The following DNAH17 variants were observed in gnomAD, a reference collection of about 807,000 sequenced individuals.
The protein encoded by DNAH17 is dynein axonemal heavy chain 17.
In DNAH17, 376 loss-of-function variants were observed where a neutral mutation model predicts 485.6. The ratio of observed to expected loss-of-function variants is 0.77; its 90% confidence interval spans 0.71 to 0.84. DNAH17 has a LOEUF of 0.84. Ranked by LOEUF, DNAH17 falls within the 40% of genes least tolerant of loss-of-function variation. DNAH17 has a pLI of 0.00. For synonymous variants in DNAH17, 3,031 were observed against 2,405.9 expected (o/e 1.26, Z -7.60); for missense variants, 6,370 against 5,839.3 (o/e 1.09, Z -2.96).
chr17:78,487,483 C>A (rs2089662922), intron 44 of DNAH17, among the ~76,000 whole-genome samples: 1 of 152,224 alleles, frequency 6.6e-6, no homozygotes, highest in Admixed American at 6.5e-5. Context: ...TGTTAACACA[C>A]ACAGCCAGCC....
At chr17:78,479,389 A>G (rs2089248818) in intron 50 of DNAH17, 96 bp downstream of exon 50, 3 of 1,368,024 alleles carry the variant, frequency 2.2e-6, no homozygotes, top group African/African-American at 1.5e-5. Context: ...TTAGAATTAT[A>G]AATAAAATAT....
chr17:78,505,228 G>A (rs1046717681), intron 31 of DNAH17, 65 bp downstream of exon 31: 41 of 1,592,662 alleles, frequency 2.6e-5, no homozygotes, highest in African/African-American at 5.4e-5. Flanking sequence ...ATCTGAGGGC[G>A]TGTGGCCCAC....
chr17:78,527,557 T>C (rs895458506), intron 22 of DNAH17, among the ~76,000 whole-genome samples: 2 of 152,154 alleles, frequency 1.3e-5, no homozygotes, highest in African/African-American at 2.4e-5. Flanking sequence ...ATCCCACGTA[T>C]GGATTTGTGC....
chr17:78,500,405 CCGGCAGGGG>C lies in DNAH17; in HGVS notation c.5531_5539del (p.Ala1844_Ala1846del). Reference sequence around the variant, plus strand: ...CTCAGTCTTGCCGGTCCCAGCGGGGCCGGCAGGGGCTCCACCCATGATGAGATGGAGGGA... The same window carrying C: ...CTCAGTCTTGCCGGTCCCAGCGGGGCCTCCACCCATGATGAGATGGAGGGA... On this transcript the variant is annotated inframe_deletion, in exon 36 of 81. Coordinates refer to ENST00000389840, the MANE Select transcript of DNAH17 (RefSeq NM_173628.4). 6.2e-7 allele frequency: 1 copy of C among 1,611,056 alleles called. No homozygotes were observed. Among genetic ancestry groups the C allele is most frequent in the Non-Finnish European group, 8.5e-7 (1 of 1,179,106 alleles).
intron 42 of DNAH17, among the ~76,000 whole-genome samples, chr17:78,491,985 TAC>T (rs1396784763): frequency 2.6e-5 from 4 of 151,938 alleles, no homozygotes; most frequent in Admixed American, 2.0e-4. Context: ...GGGCTGGGGG[TAC>T]AGAGCTTGAC....
chr17:78,443,739 G>A (rs949738550), intron 71 of DNAH17, among the ~76,000 whole-genome samples: 10 of 152,052 alleles, frequency 6.6e-5, no homozygotes, highest in South Asian at 2.1e-4. Flanking sequence ...TTGTAGAGAT[G>A]GGGTCTCACT....
chr17:78,532,533 T>C lies in DNAH17; in HGVS notation c.3063A>G (p.Thr1021=). Residue 1021 remains threonine (T), a synonymous_variant, in exon 20 of 81, where the codon ACA becomes ACG. Transcript: ENST00000389840. ...GCGGTGTCTTGGGGATGGTGTCATC[T>C]GTCCAGGTGTCCAAGTCCTCCGCAG... The part of the protein sequence containing the change: ...AVTAEDLDTW[T]DDTIPKTPPT... 1.9e-6 allele frequency: 3 copies of C among 1,611,340 alleles called. No homozygotes were observed. Among genetic ancestry groups the C allele is most frequent in the Non-Finnish European group, 2.5e-6 (3 of 1,178,962 alleles).
intron 18 of DNAH17, 37 bp downstream of exon 18, chr17:78,539,700 A>G (rs776883814): frequency 3.3e-6 from 5 of 1,510,144 alleles, no homozygotes; most frequent in East Asian, 4.7e-5. Context: ...ATAAGAATAC[A>G]TATACATAAA....
intron 60 of DNAH17, 134 bp from the exon 61 acceptor site, chr17:78,459,342 G>T: frequency 3.6e-6 from 3 of 832,002 alleles, no homozygotes; most frequent in Non-Finnish European, 5.9e-6. Flanking sequence ...AGTCAGGCTG[G>T]CCCTAGAGGC....
rs369976945 is a variant in DNAH17 at position 78,572,277 on chromosome 17, C to T, written c.539+424G>A. 5.2e-3 allele frequency among the ~76,000 whole-genome samples: 795 copies of T among 151,904 alleles called. 13 individuals carry two copies. The highest frequency in any genetic ancestry group is 0.017 in the African/African-American group (724 of 41,428). On this transcript the variant is annotated intron_variant, in intron 3 of 80. Transcript: ENST00000389840. ...GGCTTCCCAGGGCCTCTGGGGGCAC[C>T]GCAGCCTCTACACAGACTTGCATGT... is the stretch of plus-strand genomic sequence containing the variant.
chr17:78,463,124 A>T, intron 56 of DNAH17, 47 bp from the exon 57 acceptor site: 5 of 1,579,310 alleles, frequency 3.2e-6, no homozygotes, highest in Non-Finnish European at 4.3e-6. Flanking sequence ...CATCCTGCAA[A>T]TCAGCAAAGT....
At chr17:78,428,936 AAAAAAAAAAAG>A (rs978098042) in intron 76 of DNAH17, among the ~76,000 whole-genome samples, 174 bp downstream of exon 76, 1 of 151,048 alleles carries the variant, frequency 6.6e-6, no homozygotes, top group African/African-American at 2.4e-5. Flanking sequence ...AAAAAAAAAA[AAAAAAAAAAAG>A]GTTGTTTGTA....
At chr17:78,456,224 G>A (rs578171305) in intron 62 of DNAH17, among the ~76,000 whole-genome samples, 33 of 152,278 alleles carry the variant, frequency 2.2e-4, no homozygotes, top group Non-Finnish European at 3.4e-4. Flanking sequence ...GCTTGAACCC[G>A]GGAGGCGGAG....
intron 44 of DNAH17, among the ~76,000 whole-genome samples, chr17:78,488,287 C>G (rs1008018285): frequency 6.6e-6 from 1 of 152,198 alleles, no homozygotes; most frequent in African/African-American, 2.4e-5. Context: ...TGGGTGCATC[C>G]GGCATCCCTG....
intron 9 of DNAH17, among the ~76,000 whole-genome samples, chr17:78,568,732 T>C (rs1013497883): frequency 2.0e-5 from 3 of 152,208 alleles, no homozygotes; most frequent in Non-Finnish European, 4.4e-5. Context: ...ATTACAGGTG[T>C]GAGCCACTGG....
chr17:78,536,820 A>T (rs890380656), intron 19 of DNAH17, among the ~76,000 whole-genome samples: 2 of 152,116 alleles, frequency 1.3e-5, no homozygotes, highest in Non-Finnish European at 2.9e-5. Flanking sequence ...GGGAAGGACG[A>T]CAGATGTGGG....
chr17:78,480,899 C>G (rs1598540014), intron 48 of DNAH17, 113 bp from the exon 49 acceptor site: 2 of 742,296 alleles, frequency 2.7e-6, no homozygotes, highest in East Asian at 5.8e-5. Flanking sequence ...GAGACAGAGT[C>G]TCGCTCTGTT....
In DNAH17 at chr17:78,451,462, C is replaced by A; in HGVS notation, c.10734+7G>T. The A allele has an allele frequency of 1.2e-6, 2 of 1,603,664 alleles. No homozygotes were observed. The highest frequency in any genetic ancestry group is 1.1e-5 in the South Asian group (1 of 89,284). The stretch of plus-strand genomic sequence containing the variant: ...TCCTCCCGTGTGACCAAACTTCAGG[C>A]CATTACCTTCAGCTGTTCCAGATCT... On this transcript the variant is annotated splice_region_variant and intron_variant, in intron 66 of 80. Transcript: ENST00000389840.
chr17:78,441,150 C>T lies in DNAH17; in HGVS notation c.11578G>A (p.Val3860Ile), dbSNP rs751126520. 6.2e-7 allele frequency: 1 copy of T among 1,613,942 alleles called. No individual in the cohort carries two copies. The highest frequency in any genetic ancestry group is 1.1e-5 in the South Asian group (1 of 91,088). ...MGSKFVEGRSVEFSKSYEESS... is the reference protein window; with the variant it reads ...MGSKFVEGRSIEFSKSYEESS... Reference sequence around the variant, plus strand: ...TCCTCGTAGGACTTAGAAAACTCAACACTCCGGCCTTCCACGAACTTGCTG... The same window carrying T: ...TCCTCGTAGGACTTAGAAAACTCAATACTCCGGCCTTCCACGAACTTGCTG... The change falls in exon 72 of 81, where the codon GTT becomes ATT. Residue 3860 changes from valine to isoleucine, a missense_variant. By Grantham distance (29) the Val-to-Ile change is conservative. Coordinates refer to ENST00000389840, the MANE Select transcript of DNAH17 (RefSeq NM_173628.4).
Sources: allele counts gnomAD v4.1 joint callset (sites outside exome capture counted in the v4.1 genomes callset), GRCh38; gene constraint gnomAD v4.1.1; transcripts MANE v1.5; gene names NCBI Gene and HGNC (gene_info 2026-07-23, HGNC 2026-07-21).